The following MAML2 variants were observed in gnomAD, a reference collection of about 807,000 sequenced individuals.
MAML2 encodes mastermind-like protein 2.
Under a neutral mutation model 96.1 loss-of-function variants are expected in MAML2, and 22 were observed. The ratio of observed to expected loss-of-function variants is 0.23; its 90% CI spans 0.16 to 0.33. The LOEUF (loss-of-function observed/expected upper bound fraction) is 0.33. Among genes scored for constraint, MAML2 ranks in the 10% least tolerant of loss-of-function variants. MAML2 has a pLI of 1.00. For missense variants in MAML2, 1,367 were observed against 1,392.4 expected, an observed-to-expected ratio of 0.98 and a Z score of 0.29; for synonymous variants, 561 against 521.3, an observed-to-expected ratio of 1.08 and a Z score of -1.04.
intron 1 of MAML2, among the ~76,000 whole-genome samples, chr11:96,297,814 C>T (rs113313609): frequency 2.6e-5 from 4 of 152,140 alleles, no homozygotes; most frequent in Non-Finnish European, 5.9e-5. Context: ...GCCATAATTT[C>T]ACTCCTAATT....
chr11:96,280,475 G>A (rs887781871), intron 1 of MAML2, among the ~76,000 whole-genome samples: 4 of 152,004 alleles, frequency 2.6e-5, no homozygotes, highest in Admixed American at 6.6e-5. Flanking sequence ...TCTTACTTCA[G>A]GTTTTACTAT....
At chr11:96,057,019 C>T (rs1288762688) in intron 2 of MAML2, among the ~76,000 whole-genome samples, 1 of 151,990 alleles carries the variant, frequency 6.6e-6, no homozygotes, top group African/African-American at 2.4e-5. Context: ...CTAGTTTCAC[C>T]TTCTGAGTTT....
chr11:96,092,828 C>T lies in MAML2; in HGVS notation c.1203G>A (p.Ser401=), dbSNP rs113740371. ...FSMANSALST[S]SPIPSVPQSQ... is the part of the protein sequence containing the mutation. ...TCTGAGGGACTGAAGGGATTGGAGA[C>T]GAAGTGGAGAGGGCAGAGTTGGCCA... The change falls in exon 2 of 5, where the codon TCG becomes TCA. Residue 401 remains serine (S), a synonymous_variant. Coordinates refer to ENST00000524717, the MANE Select transcript of MAML2 (RefSeq NM_032427.4). The surrounding 1 kb of genome is among the most constrained non-coding windows in gnomAD (Gnocchi z 4.1). 50 of 1,608,752 alleles carry T rather than the reference C, an allele frequency of 3.1e-5. No individual in the cohort carries two copies. The highest frequency in any genetic ancestry group is 1.7e-4 in the Middle Eastern group (1 of 6,024).
intron 1 of MAML2, among the ~76,000 whole-genome samples, chr11:96,114,169 T>C (rs1285213993): frequency 1.3e-5 from 2 of 152,184 alleles, no homozygotes; most frequent in Non-Finnish European, 2.9e-5. Context: ...TCCTCCTACC[T>C]TGGCCTCCCA....
chr11:95,985,266 A>C lies in MAML2; in HGVS notation c.2455+265T>G, dbSNP rs1444058437. On this transcript the variant is annotated intron_variant, in intron 4 of 4. Transcript: ENST00000524717. ...ATATCTTTGGAAGGAGAATGATTGAACCTAACAGAAAAATATTTAGCTCTT... is the reference window on the plus strand; with the variant it reads ...ATATCTTTGGAAGGAGAATGATTGACCCTAACAGAAAAATATTTAGCTCTT... Among the ~76,000 whole-genome samples, 4 of 152,304 alleles carry C rather than the reference A, an allele frequency of 2.6e-5. No individual in the cohort carries two copies. The Middle Eastern group carries it at 0.01, about 389-fold the overall frequency.
intron 2 of MAML2, among the ~76,000 whole-genome samples, chr11:96,057,127 T>C (rs1406495411): frequency 6.6e-6 from 1 of 152,218 alleles, no homozygotes; most frequent in African/African-American, 2.4e-5. Flanking sequence ...TGGGGTTTTC[T>C]TTTTTGTTTA....
chr11:95,996,615 C>A (rs73519291), intron 2 of MAML2, among the ~76,000 whole-genome samples: 6,293 of 152,138 alleles, frequency 0.041, 313 homozygotes, highest in African/African-American at 0.12. Flanking sequence ...TTACCATGTA[C>A]CTACTATATA....
intron 1 of MAML2, among the ~76,000 whole-genome samples, chr11:96,214,019 T>G (rs1346655165): frequency 6.6e-6 from 1 of 152,190 alleles, no homozygotes; most frequent in Admixed American, 6.5e-5. Flanking sequence ...ATTCTAATTA[T>G]TTTCCTTCCC....
intron 1 of MAML2, among the ~76,000 whole-genome samples, chr11:96,190,227 T>G (rs1266827825): frequency 6.6e-6 from 1 of 152,210 alleles, no homozygotes; most frequent in African/African-American, 2.4e-5. Context: ...TAGGCACTGA[T>G]CCAGACTTCT....
intron 1 of MAML2, among the ~76,000 whole-genome samples, chr11:96,277,597 C>T (rs910294689): frequency 6.6e-6 from 1 of 151,804 alleles, no homozygotes; most frequent in Non-Finnish European, 1.5e-5. Flanking sequence ...GCTAAAAATA[C>T]AAAAATTAGC....
At chr11:96,236,256 C>G (rs887231125) in intron 1 of MAML2, among the ~76,000 whole-genome samples, 6 of 152,230 alleles carry the variant, frequency 3.9e-5, no homozygotes, top group African/African-American at 1.4e-4. Context: ...ATTGTCTCCT[C>G]TCTTCCAAAA....
intron 1 of MAML2, among the ~76,000 whole-genome samples, chr11:96,284,282 C>T (rs920305650): frequency 3.9e-5 from 6 of 152,190 alleles, no homozygotes; most frequent in African/African-American, 1.2e-4. Context: ...GAATATGAAT[C>T]CTCTCCAGAG....
intron 2 of MAML2, among the ~76,000 whole-genome samples, chr11:96,028,599 C>T (rs1858562655): frequency 6.6e-6 from 1 of 152,164 alleles, no homozygotes; most frequent in South Asian, 2.1e-4. Flanking sequence ...ACATAATAGG[C>T]ACTGATTAAT....
Position 95,991,651 on chromosome 11 carries a change from C to T in MAML2, c.2212G>A (p.Gly738Arg), listed in dbSNP as rs1293074965. ...TGCTGGGAGTTCATGTAACCACTTC[C>T]AGTGTTTGGATTTGAGCAGGGGTTA... The part of the protein sequence containing the change: ...SPNPCSNPNT[G>R]SGYMNSQQSL... The change falls in exon 3 of 5, where the codon GGA becomes AGA. Residue 738 changes from glycine to arginine, a missense_variant. Coordinates refer to ENST00000524717, the MANE Select transcript of MAML2 (RefSeq NM_032427.4). The T allele has an allele frequency of 1.2e-6, 2 of 1,613,570 alleles. No homozygotes were observed. Among genetic ancestry groups the T allele is most frequent in the Non-Finnish European group, 1.7e-6 (2 of 1,179,734 alleles).
intron 2 of MAML2, among the ~76,000 whole-genome samples, chr11:96,015,206 T>C (rs1261390685): frequency 6.6e-6 from 1 of 152,104 alleles, no homozygotes; most frequent in African/African-American, 2.4e-5. Context: ...TGGTGGTAAA[T>C]CTATACTATT....
chr11:96,129,556 C>T (rs930763908), intron 1 of MAML2, among the ~76,000 whole-genome samples: 47 of 151,686 alleles, frequency 3.1e-4, no homozygotes, highest in African/African-American at 1.1e-3. Flanking sequence ...AAACTAAATC[C>T]AAATAGGGGG....
rs755124554 is a variant in MAML2 at position 96,341,654 on chromosome 11, T to C, written c.242A>G (p.Gln81Arg). Residue 81 changes from glutamine to arginine, a missense_variant, in exon 1 of 5, where the codon CAG becomes CGG. Transcript: ENST00000524717. The part of the protein sequence containing the change: ...ESTLQLLSLV[Q>R]HGQGARKAGK... ...AGCTTTCCTTGCCCCCTGGCCATGC[T>C]GTACAAGGCTCAGGAGCTGCAAGGT... 2.6e-6 allele frequency: 4 copies of C among 1,567,932 alleles called. No homozygotes were observed. The South Asian group carries it at 3.5e-5, about 14-fold the overall frequency.
chr11:96,268,774 TC>T (rs1862868302), intron 1 of MAML2, among the ~76,000 whole-genome samples: 3 of 108,160 alleles, frequency 2.8e-5, no homozygotes, highest in African/African-American at 8.2e-5. Context: ...CTGCACACGA[TC>T]TGTTGTCTGC....
intron 4 of MAML2, among the ~76,000 whole-genome samples, chr11:95,985,098 G>A (rs1185311910): frequency 6.6e-6 from 1 of 152,178 alleles, no homozygotes; most frequent in Non-Finnish European, 1.5e-5. Flanking sequence ...ATTCCTTGGT[G>A]GCAGGACCAT....
Sources: gnomAD v4.1 joint callset for allele counts (sites outside exome capture counted in the v4.1 genomes callset) on GRCh38, gnomAD v4.1.1 for gene constraint, Gnocchi (gnomAD v3.1) non-coding constraint, MANE v1.5 for transcripts, NCBI Gene and HGNC (gene_info 2026-07-23, HGNC 2026-07-21) for gene names.